Variants in PDSS2 observed in about 807,000 individuals in gnomAD.
PDSS2 encodes decaprenyl diphosphate synthase subunit 2, also known as all trans-polyprenyl-diphosphate synthase PDSS2.
Under a neutral mutation model 44.5 loss-of-function variants are expected in PDSS2, and 31 were observed. That is an observed-to-expected ratio of 0.70 (90% CI 0.52 to 0.94). The LOEUF (loss-of-function observed/expected upper bound fraction) is 0.94, where lower values mean the gene tolerates loss of function less well. Among genes scored for constraint, PDSS2 ranks in the 40% least tolerant of loss-of-function variants. The pLI is 0.00. For synonymous variants in PDSS2, 157 were observed against 180.3 expected (o/e 0.87, Z 1.03); for missense variants, 452 against 482.2 (o/e 0.94, Z 0.59).
chr6:107,233,674 G>A (rs751063875), intron 4 of PDSS2, among the ~76,000 whole-genome samples: 3 of 151,894 alleles, frequency 2.0e-5, no homozygotes, highest in Non-Finnish European at 2.9e-5. Flanking sequence ...TTAGGCAGGC[G>A]TGGTGGTGTA....
At chr6:107,276,706 T>C (rs1256276383) in intron 2 of PDSS2, among the ~76,000 whole-genome samples, 3 of 152,268 alleles carry the variant, frequency 2.0e-5, no homozygotes, top group Non-Finnish European at 2.9e-5. Flanking sequence ...ATCTCCTTGA[T>C]TGATGCTGAG....
intron 1 of PDSS2, among the ~76,000 whole-genome samples, chr6:107,339,202 C>T (rs557767778): frequency 6.6e-6 from 1 of 152,344 alleles, no homozygotes; most frequent in South Asian, 2.1e-4. Flanking sequence ...GAATATGTGA[C>T]ATCTGAGGTT....
intron 1 of PDSS2, among the ~76,000 whole-genome samples, chr6:107,380,202 T>A (rs956353662): frequency 6.6e-6 from 1 of 152,140 alleles, no homozygotes; most frequent in Non-Finnish European, 1.5e-5. Flanking sequence ...TTAAATAGGG[T>A]CTGTGTCTTA....
At chr6:107,443,242 G>A (rs1239339096) in intron 1 of PDSS2, among the ~76,000 whole-genome samples, 7 of 152,116 alleles carry the variant, frequency 4.6e-5, no homozygotes, top group African/African-American at 4.8e-5. Flanking sequence ...CACCACAGCC[G>A]CCAAAGTCAG....
chr6:107,268,290 A>T (rs1775478137), intron 3 of PDSS2, among the ~76,000 whole-genome samples: 1 of 152,188 alleles, frequency 6.6e-6, no homozygotes, highest in Non-Finnish European at 1.5e-5. Context: ...TATCATGCAA[A>T]CTGGGACACA....
intron 1 of PDSS2, among the ~76,000 whole-genome samples, chr6:107,414,995 A>T (rs1298500528): frequency 6.6e-6 from 1 of 152,190 alleles, no homozygotes; most frequent in Non-Finnish European, 1.5e-5. Flanking sequence ...ATCTCAACTC[A>T]ATGAGTGAGG....
At chr6:107,325,370 G>GT (rs1452977864) in intron 2 of PDSS2, among the ~76,000 whole-genome samples, 1 of 152,158 alleles carries the variant, frequency 6.6e-6, no homozygotes, top group Non-Finnish European at 1.5e-5. Flanking sequence ...AAAATTTTAA[G>GT]TTGCATCATG....
intron 7 of PDSS2, among the ~76,000 whole-genome samples, chr6:107,163,171 G>A (rs1442806226): frequency 6.6e-6 from 1 of 152,078 alleles, no homozygotes; most frequent in Non-Finnish European, 1.5e-5. Context: ...GCTTTATTCA[G>A]CCAGGCTAAA....
At chr6:107,252,813 T>C (rs931407592) in intron 3 of PDSS2, among the ~76,000 whole-genome samples, 2 of 152,014 alleles carry the variant, frequency 1.3e-5, no homozygotes, top group Non-Finnish European at 2.9e-5. Context: ...CTGATACAAC[T>C]TGAAAGAAAT....
intron 2 of PDSS2, among the ~76,000 whole-genome samples, chr6:107,276,501 G>T (rs777049789): frequency 6.6e-6 from 1 of 152,162 alleles, no homozygotes. Context: ...CATCCATATC[G>T]AGACCTAACA....
chr6:107,231,334 C>T (rs1774043343), intron 4 of PDSS2, among the ~76,000 whole-genome samples: 1 of 152,090 alleles, frequency 6.6e-6, no homozygotes, highest in Non-Finnish European at 1.5e-5. Context: ...GACTTAGTTC[C>T]ACAAAATACA....
At chr6:107,239,833 G>A (rs773509812) in intron 4 of PDSS2, among the ~76,000 whole-genome samples, 2 of 151,684 alleles carry the variant, frequency 1.3e-5, no homozygotes, top group East Asian at 1.9e-4. Flanking sequence ...GCAGAGACAC[G>A]GTTTCACCAT....
intron 4 of PDSS2, among the ~76,000 whole-genome samples, chr6:107,215,529 A>G (rs1773381155): frequency 1.3e-5 from 2 of 152,228 alleles, no homozygotes; most frequent in Non-Finnish European, 2.9e-5. Context: ...ACAGAGATGC[A>G]CACAACACCA....
intron 1 of PDSS2, among the ~76,000 whole-genome samples, chr6:107,404,351 GTC>G (rs983436848): frequency 2.8e-4 from 43 of 152,274 alleles, no homozygotes; most frequent in African/African-American, 1.0e-3. Flanking sequence ...AGCTCTTCCA[GTC>G]TCTGCCTGTT....
At position 107,233,434 on chromosome 6, in the gene PDSS2, G is replaced by C. The variant is rs1582824170; in HGVS notation, c.702+12114C>G. Among the ~76,000 whole-genome samples, 2 of 152,232 alleles carry C rather than the reference G, an allele frequency of 1.3e-5. 1 individual carries two copies. Among genetic ancestry groups the C allele is most frequent in the Admixed American group, 1.3e-4 (2 of 15,286 alleles). ...TTCACACAGCAGAAATTCAATACAA[G>C]ATTACTAATATACACTTTACCAAAA... On this transcript the variant is annotated intron_variant, in intron 4 of 7. Transcript: ENST00000369037.
chr6:107,309,934 C>T (rs1478546409), intron 2 of PDSS2, among the ~76,000 whole-genome samples: 1 of 152,096 alleles, frequency 6.6e-6, no homozygotes, highest in Non-Finnish European at 1.5e-5. Flanking sequence ...GGCTGGGTGG[C>T]TTAAACAGAC....
chr6:107,264,301 T>C lies in PDSS2; in HGVS notation c.630+9728A>G, dbSNP rs1394068406. On this transcript the variant is annotated intron_variant, in intron 3 of 7. Coordinates refer to ENST00000369037, the MANE Select transcript of PDSS2 (RefSeq NM_020381.4). ...CATTTTAAACAACATATTTACGCCT[T>C]TAGGAAAACAAAGTTAACATAAGGA... The C allele has an allele frequency of 2.8e-6, 4 of 1,428,934 alleles. No individual in the cohort carries two copies. The East Asian group carries it at 7.6e-5, about 27-fold the overall frequency. 88.5% of individuals were successfully genotyped at this position (1,428,934 alleles called of 1,614,324 possible).
intron 6 of PDSS2, among the ~76,000 whole-genome samples, chr6:107,200,953 C>G (rs1772748624): frequency 1.3e-5 from 2 of 152,144 alleles, no homozygotes; most frequent in Non-Finnish European, 2.9e-5. Flanking sequence ...GCATGAGTCA[C>G]TGCGGCCAGC....
At chr6:107,274,372 T>TCTCTATTTAAATCTTTA (rs1775705088) in intron 2 of PDSS2, 145 bp from the exon 3 acceptor site, 12 of 699,174 alleles carry the variant, frequency 1.7e-5, no homozygotes, top group African/African-American at 8.9e-5. Context: ...AATCTTTAAA[T>TCTCTATTTAAATCTTTA]AGAGGTCTCT....
Sources: allele counts gnomAD v4.1 joint callset (sites outside exome capture counted in the v4.1 genomes callset), GRCh38; gene constraint gnomAD v4.1.1; transcripts MANE v1.5; gene names NCBI Gene and HGNC (gene_info 2026-07-23, HGNC 2026-07-21).